The following DGKB variants were observed in gnomAD, a reference collection of about 807,000 sequenced individuals.
The protein encoded by DGKB is diacylglycerol kinase beta.
A neutral mutation model predicts 114.3 loss-of-function variants in DGKB; 67 were observed. The ratio of observed to expected loss-of-function variants is 0.59; its 90% CI spans 0.48 to 0.72. The LOEUF is 0.72. DGKB is among the 30% of genes least tolerant of loss of function. The pLI is 0.00. For missense variants in DGKB, 907 were observed against 975.2 expected (o/e 0.93, Z 0.93); for synonymous variants, 398 against 323.1 (o/e 1.23, Z -2.49).
intron 23 of DGKB, among the ~76,000 whole-genome samples, chr7:14,279,583 C>T (rs949096445): frequency 6.6e-6 from 1 of 152,168 alleles, no homozygotes; most frequent in African/African-American, 2.4e-5. Flanking sequence ...ATATTGGCCC[C>T]CACTCTCTTC....
rs940276688 is a variant in DGKB at position 14,399,098 on chromosome 7, T to G, written c.1836-53707A>C. On this transcript the variant is annotated intron_variant, in intron 21 of 25. Coordinates refer to ENST00000402815, the MANE Select transcript of DGKB (RefSeq NM_001350709.2). ...GACTTAGAAAACATATGTATCCGAG[T>G]TGAATTTTTAACTTCTCCAACGCTC... Among the ~76,000 whole-genome samples, 4 of 151,850 alleles carry G rather than the reference T, an allele frequency of 2.6e-5. No individual in the cohort carries two copies. The East Asian group carries it at 5.8e-4, about 22-fold the overall frequency.
At chr7:14,864,788 T>C (rs530991265) in intron 1 of DGKB, among the ~76,000 whole-genome samples, 42 of 121,302 alleles carry the variant, frequency 3.5e-4, no homozygotes, top group African/African-American at 1.0e-3. Flanking sequence ...GGATAAGAGA[T>C]GATGACAAAA....
At chr7:14,404,300 C>A (rs1196229499) in intron 21 of DGKB, among the ~76,000 whole-genome samples, 1 of 151,660 alleles carries the variant, frequency 6.6e-6, no homozygotes, top group African/African-American at 2.4e-5. Flanking sequence ...CCTTTTATTT[C>A]TTTCAACCTC....
intron 2 of DGKB, among the ~76,000 whole-genome samples, chr7:14,800,137 C>G (rs751044036): frequency 2.0e-5 from 3 of 152,080 alleles, no homozygotes; most frequent in Non-Finnish European, 4.4e-5. Flanking sequence ...AGGATGGTCT[C>G]AATCTCTTGA....
chr7:14,928,355 G>C (rs1434690154), intron 1 of DGKB, among the ~76,000 whole-genome samples: 1 of 151,840 alleles, frequency 6.6e-6, no homozygotes, highest in Admixed American at 6.6e-5. Context: ...AATTTTCTCA[G>C]AATTTCACTT....
intron 21 of DGKB, among the ~76,000 whole-genome samples, chr7:14,389,031 G>C (rs1820891929): frequency 1.3e-5 from 2 of 152,022 alleles, no homozygotes; most frequent in African/African-American, 4.8e-5. Context: ...TTGCCAGCTT[G>C]AACAATAAAT....
chr7:14,738,105 G>T (rs1002682656), intron 4 of DGKB, among the ~76,000 whole-genome samples: 2 of 152,160 alleles, frequency 1.3e-5, no homozygotes, highest in Admixed American at 6.5e-5. Context: ...TCCTTGAAAA[G>T]GAACACCTAC....
chr7:14,386,883 T>C (rs1252147940), intron 21 of DGKB, among the ~76,000 whole-genome samples: 1 of 152,086 alleles, frequency 6.6e-6, no homozygotes, highest in Non-Finnish European at 1.5e-5. Context: ...CTTTTAAAAT[T>C]ATCTAGTAGA....
At chr7:14,193,020 G>A (rs868796088) in intron 23 of DGKB, among the ~76,000 whole-genome samples, 9 of 152,002 alleles carry the variant, frequency 5.9e-5, no homozygotes, top group African/African-American at 7.2e-5. Context: ...GAGCTCAGGC[G>A]GTAATGCGAG....
chr7:14,805,110 T>G (rs1173331290), intron 2 of DGKB, among the ~76,000 whole-genome samples: 1 of 152,100 alleles, frequency 6.6e-6, no homozygotes, highest in Non-Finnish European at 1.5e-5. Flanking sequence ...TATAGAAATT[T>G]TTTAGTTGTC....
At chr7:14,753,990 G>A (rs1834492624) in intron 3 of DGKB, 42 bp from the exon 4 acceptor site, 6 of 1,356,434 alleles carry the variant, frequency 4.4e-6, no homozygotes, top group Admixed American at 2.0e-5. Context: ...GTTAATGTAA[G>A]ATACTTTATA....
intron 1 of DGKB, among the ~76,000 whole-genome samples, chr7:14,963,268 G>A (rs1195491976): frequency 6.6e-6 from 1 of 152,074 alleles, no homozygotes; most frequent in Non-Finnish European, 1.5e-5. Flanking sequence ...TGGAAACCCT[G>A]AGCTTTGGAA....
intron 21 of DGKB, among the ~76,000 whole-genome samples, chr7:14,414,639 C>T (rs1825422972): frequency 6.6e-6 from 1 of 152,002 alleles, no homozygotes; most frequent in South Asian, 2.1e-4. Context: ...AATAGGTATG[C>T]TGTAAGAAAA....
intron 23 of DGKB, among the ~76,000 whole-genome samples, chr7:14,246,040 G>T (rs1315155228): frequency 6.6e-6 from 1 of 152,166 alleles, no homozygotes; most frequent in Non-Finnish European, 1.5e-5. Flanking sequence ...TTGCACATAG[G>T]AATTGGCATT....
At chr7:14,614,226 G>A (rs1216881364) in intron 15 of DGKB, among the ~76,000 whole-genome samples, 1 of 152,116 alleles carries the variant, frequency 6.6e-6, no homozygotes, top group Non-Finnish European at 1.5e-5. Context: ...AATAAAGCAG[G>A]TAAGGTGATA....
chr7:14,457,701 C>G (rs572844156), intron 21 of DGKB, among the ~76,000 whole-genome samples: 1 of 152,240 alleles, frequency 6.6e-6, no homozygotes, highest in Non-Finnish European at 1.5e-5. Flanking sequence ...CAAATGGGAT[C>G]AAAAGCTCCT....
chr7:14,973,487 TTTG>T (rs1261050343), intron 1 of DGKB, among the ~76,000 whole-genome samples: 3 of 150,934 alleles, frequency 2.0e-5, no homozygotes, highest in Non-Finnish European at 4.4e-5. Flanking sequence ...TTGTTGTTGT[TTTG>T]TTTTTTTGTT....
intron 21 of DGKB, among the ~76,000 whole-genome samples, chr7:14,357,706 A>C (rs970052579): frequency 6.6e-6 from 1 of 152,024 alleles, no homozygotes; most frequent in Non-Finnish European, 1.5e-5. Context: ...GGTCTTTATA[A>C]TTTGACATGT....
intron 20 of DGKB, among the ~76,000 whole-genome samples, chr7:14,510,449 T>G (rs1787820249): frequency 6.6e-6 from 1 of 152,172 alleles, no homozygotes; most frequent in South Asian, 2.1e-4. Flanking sequence ...CCCCATTCAT[T>G]CATTTTTTCA....
Sources: allele counts gnomAD v4.1 joint callset (sites outside exome capture counted in the v4.1 genomes callset), GRCh38; gene constraint gnomAD v4.1.1; transcripts MANE v1.5; gene names NCBI Gene and HGNC (gene_info 2026-07-23, HGNC 2026-07-21).